LINGO2: variants seen among roughly 807,000 people sequenced by gnomAD.
LINGO2 encodes leucine-rich repeat and immunoglobulin-like domain-containing nogo receptor-interacting protein 2.
A neutral mutation model predicts 30.6 loss-of-function variants in LINGO2; 14 were observed. The ratio of observed to expected loss-of-function variants is 0.46; its 90% CI spans 0.30 to 0.72. LINGO2 has a LOEUF of 0.72. Ranked by LOEUF, LINGO2 falls within the 30% of genes least tolerant of loss-of-function variation. The pLI is 0.07. For synonymous variants in LINGO2, 317 were observed against 288.5 expected, an observed-to-expected ratio of 1.10 and a Z score of -1.00; for missense variants, 729 against 751.7, an observed-to-expected ratio of 0.97 and a Z score of 0.35.
chr9:28,063,433 A>T (rs1460846306), intron 4 of LINGO2, among the ~76,000 whole-genome samples: 1 of 20,032 alleles, frequency 5.0e-5, no homozygotes, highest in Non-Finnish European at 1.1e-4. Flanking sequence ...ATTATTATCC[A>T]CATTTTTTTT....
chr9:29,172,078 C>T, the LINGO2 span, among the ~76,000 whole-genome samples: 1 of 151,872 alleles, frequency 6.6e-6, no homozygotes, highest in Non-Finnish European at 1.5e-5. Context: ...GAGAAAGTCT[C>T]TCTTTATGGA....
At chr9:28,860,723 A>G in the LINGO2 span, among the ~76,000 whole-genome samples, 13 of 149,978 alleles carry the variant, frequency 8.7e-5, no homozygotes, top group African/African-American at 2.7e-4. Flanking sequence ...AGAATGAAAC[A>G]TAACAGGACA....
chr9:28,018,956 G>C (rs903327764), intron 4 of LINGO2, among the ~76,000 whole-genome samples: 1 of 152,130 alleles, frequency 6.6e-6, no homozygotes, highest in Admixed American at 6.6e-5. Flanking sequence ...CCATAAAATA[G>C]AATAAGATCA....
chr9:29,072,147 T>A, the LINGO2 span, among the ~76,000 whole-genome samples: 1 of 149,450 alleles, frequency 6.7e-6, no homozygotes, highest in African/African-American at 2.5e-5. Flanking sequence ...ATGTAGATAA[T>A]AATGAAAACA....
chr9:28,608,766 G>A (rs554244508), intron 1 of LINGO2, among the ~76,000 whole-genome samples: 37 of 151,838 alleles, frequency 2.4e-4, no homozygotes, highest in Admixed American at 5.9e-4. Context: ...CTTTTCCTTC[G>A]AACCATGGAT....
chr9:28,250,364 T>C (rs1014945909), intron 4 of LINGO2, among the ~76,000 whole-genome samples: 1 of 152,212 alleles, frequency 6.6e-6, no homozygotes, highest in African/African-American at 2.4e-5. Flanking sequence ...ACAGGCTGAC[T>C]GGCTAGAGAA....
chr9:28,839,719 A>C, the LINGO2 span, among the ~76,000 whole-genome samples: 1 of 152,182 alleles, frequency 6.6e-6, no homozygotes, highest in Non-Finnish European at 1.5e-5. Context: ...ATAAAGTACC[A>C]TAAGTTCTCA....
chr9:28,837,516 G>A, the LINGO2 span, among the ~76,000 whole-genome samples: 1 of 150,770 alleles, frequency 6.6e-6, no homozygotes, highest in South Asian at 2.1e-4. Context: ...GTGGGGTGGT[G>A]CATGCCTGTA....
chr9:28,228,573 A>G (rs1821250222), intron 4 of LINGO2, among the ~76,000 whole-genome samples: 1 of 152,020 alleles, frequency 6.6e-6, no homozygotes, highest in African/African-American at 2.4e-5. Flanking sequence ...AAAGTTCCAG[A>G]AATATATCAT....
rs1255077897 is a variant in LINGO2, at chr9:28,308,232, G to A, written c.-245-12866C>T. ...AGCATGGTACTGGTACCAAAACAGA[G>A]ATATAGATCAATGGAACAGAACAGA... is the stretch of plus-strand genomic sequence containing the variant. On this transcript the variant is annotated intron_variant, in intron 3 of 5. Coordinates refer to ENST00000379992, the Ensembl canonical transcript of LINGO2. Among the ~76,000 whole-genome samples the A allele has an allele frequency of 2.0e-4, 26 of 128,632 alleles. 3 individuals carry two copies. The highest frequency in any genetic ancestry group is 5.7e-4 in the African/African-American group (22 of 38,442). The allele number at this position is 128,632 out of a possible 152,430, so 84.4% of individuals were successfully genotyped here. A position where few individuals can be genotyped will look rare whatever the true frequency, so the allele number is the denominator to read the frequency against.
At chr9:28,603,538 A>G (rs1825578033) in intron 1 of LINGO2, among the ~76,000 whole-genome samples, 1 of 152,052 alleles carries the variant, frequency 6.6e-6, no homozygotes, top group Non-Finnish European at 1.5e-5. Flanking sequence ...CAAGGAGGAA[A>G]TATATATTAG....
At chr9:29,200,772 A>G in the LINGO2 span, among the ~76,000 whole-genome samples, 1 of 152,120 alleles carries the variant, frequency 6.6e-6, no homozygotes, top group African/African-American at 2.4e-5. Context: ...CATACAGGAT[A>G]CCATATATTA....
the LINGO2 span, among the ~76,000 whole-genome samples, chr9:28,968,753 C>T: frequency 6.6e-6 from 1 of 152,090 alleles, no homozygotes; most frequent in Non-Finnish European, 1.5e-5. Context: ...AAAGAATTAT[C>T]TTCATGTTTC....
At chr9:28,646,239 T>C (rs1827832370) in intron 1 of LINGO2, among the ~76,000 whole-genome samples, 1 of 152,064 alleles carries the variant, frequency 6.6e-6, no homozygotes, top group Non-Finnish European at 1.5e-5. Context: ...CATGGAAAAG[T>C]CCTCCTCTCC....
At chr9:28,570,512 T>C (rs940441066) in intron 1 of LINGO2, among the ~76,000 whole-genome samples, 1 of 151,872 alleles carries the variant, frequency 6.6e-6, no homozygotes, top group African/African-American at 2.4e-5. Context: ...TTTTGGTATT[T>C]TAAATTTTCT....
the LINGO2 span, among the ~76,000 whole-genome samples, chr9:29,107,358 G>A: frequency 6.6e-6 from 1 of 152,042 alleles, no homozygotes; most frequent in African/African-American, 2.4e-5. Flanking sequence ...AATTCAACAT[G>A]GTTTCTCCAT....
At position 28,043,186 on chromosome 9, in the gene LINGO2, A is replaced by T. The variant is rs191215028; in HGVS notation, c.-86-30781T>A. 2.6e-5 allele frequency among the ~76,000 whole-genome samples: 4 copies of T among 152,246 alleles called. No individual in the cohort carries two copies. In the East Asian group the frequency reaches 7.8e-4, roughly 30 times the overall value. On this transcript the variant is annotated intron_variant, in intron 4 of 5. Transcript: ENST00000379992. The stretch of plus-strand genomic sequence containing the variant: ...CTCCTCGGCATTTGAAGCTAGCACT[A>T]ATTTTCAAATTTCCGTCCTGCCTGG...
chr9:28,838,771 T>C, the LINGO2 span, among the ~76,000 whole-genome samples: 2 of 152,202 alleles, frequency 1.3e-5, no homozygotes, highest in Non-Finnish European at 2.9e-5. Flanking sequence ...GCTGGGCTCA[T>C]TCTGCCCACT....
chr9:29,100,781 A>G, the LINGO2 span, among the ~76,000 whole-genome samples: 3 of 152,180 alleles, frequency 2.0e-5, no homozygotes, highest in South Asian at 6.2e-4. Context: ...TTTTAACCCT[A>G]ATGTGATTAT....
Sources: allele counts gnomAD v4.1 joint callset (sites outside exome capture counted in the v4.1 genomes callset), GRCh38; gene constraint gnomAD v4.1.1; transcripts MANE v1.5; gene names NCBI Gene and HGNC (gene_info 2026-07-23, HGNC 2026-07-21).